Variants in GNA12 observed in about 807,000 individuals in gnomAD.
GNA12 encodes the protein guanine nucleotide-binding protein subunit alpha-12.
In GNA12, 9 loss-of-function variants were observed where a neutral mutation model predicts 26.0. The observed-to-expected ratio is 0.35, with a 90% CI of 0.21 to 0.60. The LOEUF (loss-of-function observed/expected upper bound fraction) is 0.60, where lower values mean the gene tolerates loss of function less well. Ranked by LOEUF, GNA12 falls within the 20% of genes least tolerant of loss-of-function variation. The pLI is 0.78. For missense variants in GNA12, 405 were observed against 525.8 expected (o/e 0.77, Z 2.25); for synonymous variants, 264 against 219.6 (o/e 1.20, Z -1.79).
At chr7:2,780,196 TTCTC>T in intron 2 of GNA12, among the ~76,000 whole-genome samples, 1 of 150,700 alleles carries the variant, frequency 6.6e-6, no homozygotes, top group Admixed American at 6.6e-5. Flanking sequence ...ACATAGAGAG[TTCTC>T]TCTCAGCTTT....
chr7:2,745,470 G>C (rs1790721061), intron 2 of GNA12, among the ~76,000 whole-genome samples: 2 of 152,174 alleles, frequency 1.3e-5, no homozygotes, highest in African/African-American at 4.8e-5. Flanking sequence ...AGCAAATGCT[G>C]AGAGATTTTG....
rs372644647 is a variant in GNA12, at chr7:2,731,253, G to A, written c.1074C>T (p.Asn358=). Residue 358 remains asparagine (N), a synonymous_variant, in exon 4 of 4, where the codon AAC becomes AAT. Transcript: ENST00000275364. The surrounding 1 kb of genome is among the most constrained non-coding windows in gnomAD (Gnocchi z 6.0). The stretch of plus-strand genomic sequence containing the variant: ...TCACAGCATGGAACACGAAGCGGAC[G>A]TTCTCGGTGTCGATGGCGGTGGTGA... The part of the protein sequence containing the change: ...HHFTTAIDTE[N]VRFVFHAVKD... 3.5e-5 allele frequency: 57 copies of A among 1,613,872 alleles called. No homozygotes were observed. In the East Asian group the frequency reaches 4.7e-4, roughly 13 times the overall value.
Position 2,769,965 on chromosome 7 carries a change from C to A in GNA12, c.525+24963G>T, listed in dbSNP as rs139722620. ...TTTGTTTTTTTAAATCATGGGGGGG[C>A]AAGTACTTTTTCAAAATTGCTTTTA... is the stretch of plus-strand genomic sequence containing the variant. On this transcript the variant is annotated intron_variant, in intron 2 of 3. Coordinates refer to ENST00000275364, the MANE Select transcript of GNA12 (RefSeq NM_007353.3). 2.8e-3 allele frequency among the ~76,000 whole-genome samples: 430 copies of A among 151,900 alleles called. 2 individuals are homozygous for A. The highest frequency in any genetic ancestry group is 0.01 in the Middle Eastern group (3 of 294).
At chr7:2,759,183 AT>A (rs1334886123) in intron 2 of GNA12, among the ~76,000 whole-genome samples, 15 of 149,380 alleles carry the variant, frequency 1.0e-4, no homozygotes, top group South Asian at 8.3e-4. Flanking sequence ...AAATAAATAA[AT>A]AAATAAAATA....
At chr7:2,811,036 C>G (rs1281854736) in intron 1 of GNA12, among the ~76,000 whole-genome samples, 1 of 152,180 alleles carries the variant, frequency 6.6e-6, no homozygotes, top group Non-Finnish European at 1.5e-5. Context: ...TCCCAAGAAT[C>G]AGAAGAAACA....
intron 2 of GNA12, among the ~76,000 whole-genome samples, chr7:2,790,016 C>A (rs1239811522): frequency 6.6e-6 from 1 of 152,184 alleles, no homozygotes; most frequent in Non-Finnish European, 1.5e-5. Flanking sequence ...ACTCTTCTTG[C>A]CTAAAGCCTG....
rs962185220 is a variant in GNA12, at chr7:2,778,190, C to T, written c.525+16738G>A. On this transcript the variant is annotated intron_variant, in intron 2 of 3. Coordinates refer to ENST00000275364, the MANE Select transcript of GNA12 (RefSeq NM_007353.3). ...AAGAGACTTAAAAAAAAGCATATTT[C>T]GCCACAATTTTTTCAAAAAGAGAAA... 8.5e-5 allele frequency among the ~76,000 whole-genome samples: 13 copies of T among 152,132 alleles called. No homozygotes were observed. The East Asian group carries it at 1.7e-3, about 20-fold the overall frequency.
chr7:2,754,308 T>C (rs980692984), intron 2 of GNA12, among the ~76,000 whole-genome samples: 1 of 152,188 alleles, frequency 6.6e-6, no homozygotes, highest in African/African-American at 2.4e-5. Context: ...TCATATGTTT[T>C]GTTATTTTCT....
chr7:2,802,110 A>G (rs1792823000), intron 1 of GNA12, among the ~76,000 whole-genome samples: 1 of 152,150 alleles, frequency 6.6e-6, no homozygotes, highest in Non-Finnish European at 1.5e-5. Context: ...CTTAAAATAA[A>G]TAAGAACGAC....
At chr7:2,778,216 A>C (rs1191190337) in intron 2 of GNA12, among the ~76,000 whole-genome samples, 2 of 152,246 alleles carry the variant, frequency 1.3e-5, no homozygotes, top group Non-Finnish European at 2.9e-5. Flanking sequence ...AAAAGAGAAA[A>C]GAAAAAAGTC....
intron 2 of GNA12, among the ~76,000 whole-genome samples, chr7:2,792,141 G>C (rs1018927267): frequency 6.6e-6 from 1 of 152,198 alleles, no homozygotes; most frequent in Admixed American, 6.5e-5. Context: ...AAGCTCACTC[G>C]CTGGAGACAG....
chr7:2,783,678 A>G (rs1051788636), intron 2 of GNA12, among the ~76,000 whole-genome samples: 3 of 148,708 alleles, frequency 2.0e-5, no homozygotes, highest in Non-Finnish European at 4.5e-5. Flanking sequence ...TTATTTATTT[A>G]TTTATTTATT....
intron 2 of GNA12, among the ~76,000 whole-genome samples, chr7:2,745,066 G>A (rs978767901): frequency 1.8e-4 from 27 of 152,210 alleles, no homozygotes; most frequent in African/African-American, 4.8e-4. Context: ...AAGTGACAGG[G>A]AGAATGGAAC....
intron 1 of GNA12, among the ~76,000 whole-genome samples, chr7:2,836,398 G>A (rs1350557930): frequency 6.6e-6 from 1 of 152,188 alleles, no homozygotes; most frequent in East Asian, 1.9e-4. Flanking sequence ...GAAAGAAGGC[G>A]GCAGGCTACC....
At chr7:2,792,220 C>G (rs961302969) in intron 2 of GNA12, among the ~76,000 whole-genome samples, 10 of 152,142 alleles carry the variant, frequency 6.6e-5, no homozygotes, top group African/African-American at 2.4e-4. Context: ...AGTAGGTGAT[C>G]CATGAATGCA....
intron 2 of GNA12, among the ~76,000 whole-genome samples, chr7:2,765,609 G>GTGTT (rs942833598): frequency 4.6e-5 from 7 of 150,824 alleles, no homozygotes; most frequent in African/African-American, 1.5e-4. Context: ...TCTGTATCCT[G>GTGTT]TGTTTGTTTT....
intron 2 of GNA12, among the ~76,000 whole-genome samples, chr7:2,735,184 C>G (rs1583208604): frequency 6.6e-6 from 1 of 152,356 alleles, no homozygotes; most frequent in East Asian, 1.9e-4. Flanking sequence ...CCTGCCCTCC[C>G]CTGGGCCTCG....
At chr7:2,789,228 C>T (rs1343922531) in intron 2 of GNA12, among the ~76,000 whole-genome samples, 4 of 136,146 alleles carry the variant, frequency 2.9e-5, no homozygotes, top group African/African-American at 5.6e-5. Flanking sequence ...CTCCGCCTCC[C>T]GGGTTCACGC....
intron 2 of GNA12, among the ~76,000 whole-genome samples, chr7:2,787,085 C>A (rs1030557288): frequency 1.9e-4 from 29 of 152,062 alleles, no homozygotes; most frequent in Admixed American, 1.9e-3. Flanking sequence ...CCAGTAAGCA[C>A]CCCAAATCCA....
Sources: allele counts gnomAD v4.1 joint callset (sites outside exome capture counted in the v4.1 genomes callset), GRCh38; gene constraint gnomAD v4.1.1; non-coding constraint Gnocchi (gnomAD v3.1); transcripts MANE v1.5; gene names NCBI Gene and HGNC (gene_info 2026-07-23, HGNC 2026-07-21).